MED13: variants seen among roughly 807,000 people sequenced by gnomAD.
MED13 encodes the protein mediator complex subunit 13, also known as mediator of RNA polymerase II transcription subunit 13.
A neutral mutation model predicts 225.2 loss-of-function variants in MED13; 23 were observed. The ratio of observed to expected loss-of-function variants is 0.10; its 90% CI spans 0.07 to 0.14. The LOEUF (loss-of-function observed/expected upper bound fraction) is 0.14. MED13 is among the 10% of genes least tolerant of loss of function. MED13 has a pLI of 1.00. For synonymous variants in MED13, 942 were observed against 889.2 expected, an observed-to-expected ratio of 1.06 and a Z score of -1.06; for missense variants, 2,197 against 2,594.5, an observed-to-expected ratio of 0.85 and a Z score of 3.33.
chr17:61,969,319 G>C (rs569407004), intron 17 of MED13, among the ~76,000 whole-genome samples: 1 of 151,826 alleles, frequency 6.6e-6, no homozygotes, highest in Admixed American at 6.6e-5. Context: ...ACCAGTGCAC[G>C]TCAGCCCAGG....
chr17:62,031,691 T>TAATTCAC, intron 5 of MED13, 53 bp from the exon 6 acceptor site: 8 of 1,216,516 alleles, frequency 6.6e-6, no homozygotes, highest in Non-Finnish European at 8.9e-6. Flanking sequence ...GACTAGTGAA[T>TAATTCAC]TAGTTTCACT....
intron 28 of MED13, among the ~76,000 whole-genome samples, chr17:61,950,049 A>G (rs2143284615): frequency 2.0e-5 from 3 of 152,358 alleles, no homozygotes; most frequent in Admixed American, 2.0e-4. Context: ...GATGTAATTC[A>G]AAGAATAACA....
At chr17:62,019,278 T>C (rs2080613939) in intron 8 of MED13, among the ~76,000 whole-genome samples, 2 of 152,224 alleles carry the variant, frequency 1.3e-5, no homozygotes, top group Admixed American at 6.5e-5. Context: ...CTCAATTAGC[T>C]TTTTGGCTAC....
At position 61,981,897 on chromosome 17, in the gene MED13, T is replaced by A. The variant is rs532333659; in HGVS notation, c.3805+301A>T. On this transcript the variant is annotated intron_variant, in intron 16 of 29. Transcript: ENST00000397786. ...TACAAGGTGCCCAGTAAATACTTAA[T>A]GAGTGAAAGAATGTTGAATAAAGCA... 2.6e-5 allele frequency among the ~76,000 whole-genome samples: 4 copies of A among 152,358 alleles called. No individual in the cohort carries two copies. In the East Asian group the frequency reaches 7.7e-4, roughly 29 times the overall value.
Position 61,961,565 on chromosome 17 carries a change from G to A in MED13, c.5256+23C>T, listed in dbSNP as rs368470033. 9.9e-5 allele frequency: 152 copies of A among 1,539,380 alleles called. No homozygotes were observed. In the African/African-American group the frequency reaches 1.4e-3, roughly 15 times the overall value. On this transcript the variant is annotated intron_variant, in intron 22 of 29. Transcript: ENST00000397786. ...AAGGTATGTATAGTCATTGAACTTC[G>A]GTCATGAAAAACATATACTTACATC... is the stretch of plus-strand genomic sequence containing the variant.
chr17:61,977,540 C>G lies in MED13; in HGVS notation c.3806-4652G>C, dbSNP rs138785944. The stretch of plus-strand genomic sequence containing the variant: ...CATCTCTGCTCACTGTAAGCTCCCC[C>G]TCCCGGGTTCACACCATTCTCCTGC... On this transcript the variant is annotated intron_variant, in intron 16 of 29. Transcript: ENST00000397786. Among the ~76,000 whole-genome samples, 722 of 152,330 alleles carry G rather than the reference C, an allele frequency of 4.7e-3. 6 individuals are homozygous for G. Among genetic ancestry groups the G allele is most frequent in the African/African-American group, 0.015 (605 of 41,588 alleles).
chr17:62,051,903 C>A, intron 3 of MED13, among the ~76,000 whole-genome samples: 1 of 152,114 alleles, frequency 6.6e-6, no homozygotes, highest in East Asian at 1.9e-4. Context: ...ATCTAAATCA[C>A]GGAGAAGCGA....
intron 6 of MED13, 48 bp downstream of exon 6, chr17:62,031,396 C>T (rs1444768483): frequency 2.1e-6 from 3 of 1,414,678 alleles, no homozygotes; most frequent in East Asian, 5.0e-5. Flanking sequence ...ACTTACTGTA[C>T]ACAAAATAAC....
intron 26 of MED13, among the ~76,000 whole-genome samples, chr17:61,954,097 C>T (rs529655598): frequency 6.6e-6 from 1 of 152,234 alleles, no homozygotes; most frequent in South Asian, 2.1e-4. Context: ...CCATGGGCAA[C>T]TGAAATCATG....
chr17:62,016,563 T>C (rs1050084975), intron 8 of MED13, among the ~76,000 whole-genome samples: 3 of 152,208 alleles, frequency 2.0e-5, no homozygotes, highest in South Asian at 2.1e-4. Flanking sequence ...TATTAGACAC[T>C]TGACAAGTGG....
In MED13 at chr17:61,976,730, C is replaced by G. The variant is rs759453903; in HGVS notation, c.3806-3842G>C. Among the ~76,000 whole-genome samples the G allele has an allele frequency of 6.4e-4, 98 of 152,218 alleles. 2 individuals carry two copies. Among genetic ancestry groups the G allele is most frequent in the Non-Finnish European group, 7.6e-4 (52 of 68,006 alleles). The stretch of plus-strand genomic sequence containing the variant: ...CAGGTGGATCACGAGGTCAGGAGAT[C>G]GAGACCATTCTGGCTAACACGTTGA... On this transcript the variant is annotated intron_variant, in intron 16 of 29. Transcript: ENST00000397786.
chr17:61,992,229 T>C (rs1018369220), intron 11 of MED13, among the ~76,000 whole-genome samples: 1 of 152,248 alleles, frequency 6.6e-6, no homozygotes, highest in East Asian at 1.9e-4. Flanking sequence ...TTCATTCTTT[T>C]ACTTCCTTTC....
At chr17:62,029,818 G>A in intron 7 of MED13, 33 bp downstream of exon 7, 3 of 1,560,316 alleles carry the variant, frequency 1.9e-6, no homozygotes, top group Non-Finnish European at 2.6e-6. Context: ...TTATCAACAT[G>A]CAATTTTTGA....
intron 28 of MED13, among the ~76,000 whole-genome samples, chr17:61,949,770 C>T (rs1053105569): frequency 2.0e-5 from 3 of 152,164 alleles, no homozygotes; most frequent in African/African-American, 7.2e-5. Context: ...TCACTGCAAC[C>T]TTTACCTGCC....
intron 8 of MED13, among the ~76,000 whole-genome samples, chr17:62,015,786 T>C (rs141905434): frequency 0.069 from 9,422 of 136,338 alleles, 538 homozygotes; most frequent in South Asian, 0.31. Context: ...TATATATATA[T>C]ACACACACAC....
chr17:61,955,070 A>G (rs1260018220), intron 26 of MED13, among the ~76,000 whole-genome samples: 1 of 152,044 alleles, frequency 6.6e-6, no homozygotes, highest in Admixed American at 6.6e-5. Flanking sequence ...GGGCTCTTTC[A>G]CCATCTTCAA....
At chr17:62,014,131 G>A (rs900661786) in intron 8 of MED13, among the ~76,000 whole-genome samples, 9 of 151,772 alleles carry the variant, frequency 5.9e-5, no homozygotes, top group South Asian at 2.1e-4. Context: ...TACTAGATAT[G>A]GGACAACCAG....
Position 62,029,599 on chromosome 17 carries a change from T to G in MED13, c.1225A>C (p.Lys409Gln). Residue 409 changes from lysine to glutamine, a missense_variant, in exon 8 of 30, where the codon AAA (lysine) becomes CAA (glutamine). Lys to Gln is a moderately conservative substitution (Grantham distance 53). Around this residue, in one of 12 missense-constraint regions of MED13, gnomAD observed 884 missense variants for 918.5 expected, o/e 0.96. Coordinates refer to ENST00000397786, the MANE Select transcript of MED13 (RefSeq NM_005121.3). ...TCAACAAAATCCCAGGATGCCACTTTAGCAGCTGTCGCTTCTTCGCATAGA... is the reference window on the plus strand; with the variant it reads ...TCAACAAAATCCCAGGATGCCACTTGAGCAGCTGTCGCTTCTTCGCATAGA... ...GGLCEEATAA[K>Q]VASWDFVEAT... The G allele has an allele frequency of 6.2e-7, 1 of 1,614,224 alleles. No individual in the cohort carries two copies. Among genetic ancestry groups the G allele is most frequent in the East Asian group, 2.2e-5 (1 of 44,886 alleles).
intron 28 of MED13, among the ~76,000 whole-genome samples, chr17:61,948,786 A>G (rs1235011203): frequency 6.6e-6 from 1 of 151,526 alleles, no homozygotes; most frequent in Non-Finnish European, 1.5e-5. Context: ...GTGGTTTTAC[A>G]TAAGAATAAG....
Sources: allele counts gnomAD v4.1 joint callset (sites outside exome capture counted in the v4.1 genomes callset), GRCh38; gene constraint gnomAD v4.1.1; regional missense constraint gnomAD v4.1.1; transcripts MANE v1.5; gene names NCBI Gene and HGNC (gene_info 2026-07-23, HGNC 2026-07-21).